HACE1: variants seen among roughly 807,000 people sequenced by gnomAD.
HACE1 encodes HECT domain and ankyrin repeat containing E3 ubiquitin protein ligase 1.
Under a neutral mutation model 118.4 loss-of-function variants are expected in HACE1, and 73 were observed. That is an observed-to-expected ratio of 0.62 (90% confidence interval 0.51 to 0.75). The LOEUF is 0.75. Ranked by LOEUF, HACE1 falls within the 30% of genes least tolerant of loss-of-function variation. The pLI, the probability that HACE1 is intolerant of heterozygous loss-of-function variation, is 0.00. For synonymous variants in HACE1, 368 were observed against 374.8 expected (o/e 0.98, Z 0.21); for missense variants, 749 against 1,102.2 (o/e 0.68, Z 4.54).
intron 1 of HACE1, among the ~76,000 whole-genome samples, chr6:104,854,599 G>T (rs1425694719): frequency 6.6e-6 from 1 of 151,358 alleles, no homozygotes; most frequent in Non-Finnish European, 1.5e-5. Flanking sequence ...TCTGGATAGT[G>T]ATTCAAAAAA....
At chr6:104,792,433 T>C (rs1783122893) in intron 10 of HACE1, among the ~76,000 whole-genome samples, 1 of 152,216 alleles carries the variant, frequency 6.6e-6, no homozygotes, top group African/African-American at 2.4e-5. Context: ...AGAAAAACTG[T>C]ACGAGTTAGG....
At chr6:104,821,485 T>C (rs757094836) in intron 6 of HACE1, among the ~76,000 whole-genome samples, 5 of 152,288 alleles carry the variant, frequency 3.3e-5, no homozygotes, top group East Asian at 1.9e-4. Context: ...TTTAACAAAA[T>C]ATACTATTTA....
At chr6:104,746,548 T>A (rs1366848053) in intron 20 of HACE1, among the ~76,000 whole-genome samples, 31 of 152,208 alleles carry the variant, frequency 2.0e-4, no homozygotes, top group Admixed American at 2.0e-3. Context: ...TCCTCAAGTA[T>A]GGCTACCATC....
chr6:104,837,288 G>A (rs976335797), intron 5 of HACE1, among the ~76,000 whole-genome samples: 1 of 152,200 alleles, frequency 6.6e-6, no homozygotes, highest in African/African-American at 2.4e-5. Flanking sequence ...GAGATTAGCA[G>A]AGACACACAG....
At chr6:104,740,156 G>A (rs1204096630) in intron 22 of HACE1, among the ~76,000 whole-genome samples, 8 of 145,690 alleles carry the variant, frequency 5.5e-5, no homozygotes, top group African/African-American at 1.1e-4. Flanking sequence ...TCTCTGGGAT[G>A]CATTCAAAGC....
rs773104513 is a variant in HACE1, at chr6:104,776,796, A to T, written c.1809T>A (p.Ile603=). 1.2e-6 allele frequency: 2 copies of T among 1,610,152 alleles called. No homozygotes were observed. Among genetic ancestry groups the T allele is most frequent in the South Asian group, 2.2e-5 (2 of 90,996 alleles). Residue 603 remains isoleucine, a synonymous_variant, in exon 17 of 24, where the codon ATT becomes ATA. Coordinates refer to ENST00000262903, the MANE Select transcript of HACE1 (RefSeq NM_020771.4). The part of the protein sequence containing the change: ...GQGVVREWFD[I]LSNEIVNPDY... ...CAGGATTGACTATCTCATTGGACAGAATATCAAACCACTCACGCACAACAC... is the reference window on the plus strand; with the variant it reads ...CAGGATTGACTATCTCATTGGACAGTATATCAAACCACTCACGCACAACAC...
chr6:104,835,939 ATGTCT>A (rs1774487061), intron 5 of HACE1, among the ~76,000 whole-genome samples: 2 of 152,230 alleles, frequency 1.3e-5, no homozygotes, highest in South Asian at 4.1e-4. Flanking sequence ...AGGAAAAATG[ATGTCT>A]TGTCTAGATT....
chr6:104,782,368 G>C (rs1427634125), intron 14 of HACE1: 2 of 152,322 alleles, frequency 1.3e-5, no homozygotes, highest in Non-Finnish European at 2.9e-5. Flanking sequence ...TGCACCTGTA[G>C]TCCCAGCTAC....
At chr6:104,742,581 T>C (rs936168670) in intron 22 of HACE1, among the ~76,000 whole-genome samples, 2 of 151,854 alleles carry the variant, frequency 1.3e-5, no homozygotes, top group African/African-American at 4.9e-5. Flanking sequence ...TCACTGGCCA[T>C]CAGAGAAATG....
At chr6:104,848,448 C>T (rs1327939357) in intron 4 of HACE1, among the ~76,000 whole-genome samples, 1 of 148,594 alleles carries the variant, frequency 6.7e-6, no homozygotes, top group African/African-American at 2.5e-5. Flanking sequence ...GAGTGAGACC[C>T]CATCTCAAAA....
At position 104,791,651 on chromosome 6, in the gene HACE1, G is replaced by A. The variant is rs747957746; in HGVS notation, c.927C>T (p.Leu309=). The stretch of plus-strand genomic sequence containing the variant: ...TCATTTGAGCATCATAATTGCTAGA[G>A]AGGCTGAAAATAAAAATTAAAATAT... ...ATTNGHKLLS[L]SSNYDAQMKS... is the part of the protein sequence containing the mutation. The change falls in exon 11 of 24, where the codon CTC becomes CTT. Residue 309 remains leucine (L), a synonymous_variant. Coordinates refer to ENST00000262903, the MANE Select transcript of HACE1 (RefSeq NM_020771.4). 3 of 1,599,702 alleles carry A rather than the reference G, an allele frequency of 1.9e-6. No homozygotes were observed. The Admixed American group carries it at 5.0e-5, about 27-fold the overall frequency.
intron 11 of HACE1, 113 bp downstream of exon 11, chr6:104,791,391 G>T: frequency 1.1e-6 from 1 of 919,610 alleles, no homozygotes; most frequent in Non-Finnish European, 1.8e-6. Context: ...AGTGATATGG[G>T]TATAAACCAA....
intron 19 of HACE1, among the ~76,000 whole-genome samples, chr6:104,768,313 T>C (rs1780224544): frequency 6.6e-6 from 1 of 151,868 alleles, no homozygotes; most frequent in South Asian, 2.1e-4. Context: ...ACTTTCTACC[T>C]ATAAAGTAAA....
At chr6:104,750,601 C>A in intron 19 of HACE1, 129 bp from the exon 20 acceptor site, 3 of 846,948 alleles carry the variant, frequency 3.5e-6, no homozygotes, top group Non-Finnish European at 3.7e-6. Context: ...TACATCTCAG[C>A]AAATCAGCAA....
chr6:104,741,426 C>A (rs1467404458), intron 22 of HACE1, among the ~76,000 whole-genome samples: 4 of 151,214 alleles, frequency 2.6e-5, no homozygotes, highest in South Asian at 2.1e-4. Flanking sequence ...GTATCAGCCC[C>A]AAATCTCCTT....
intron 4 of HACE1, among the ~76,000 whole-genome samples, chr6:104,846,601 G>C (rs752364879): frequency 5.3e-5 from 8 of 152,180 alleles, no homozygotes; most frequent in Non-Finnish European, 1.0e-4. Flanking sequence ...AAATGCTAAA[G>C]CAAGCCAAGA....
intron 7 of HACE1, among the ~76,000 whole-genome samples, chr6:104,806,878 A>T (rs555703162): frequency 5.9e-5 from 9 of 152,278 alleles, no homozygotes; most frequent in African/African-American, 2.2e-4. Flanking sequence ...GGACTCTTTC[A>T]TCCTTATAAA....
intron 6 of HACE1, chr6:104,830,995 T>A (rs937457085): frequency 6.6e-6 from 1 of 152,098 alleles, no homozygotes; most frequent in African/African-American, 2.4e-5. Context: ...CTCCACCTAA[T>A]CTTGACCTCT....
chr6:104,747,792 C>A lies in HACE1; in HGVS notation c.2343+2549G>T, dbSNP rs75443186. On this transcript the variant is annotated intron_variant, in intron 20 of 23. Coordinates refer to ENST00000262903, the MANE Select transcript of HACE1 (RefSeq NM_020771.4). Reference sequence around the variant, plus strand: ...AAGTTAATACATATAAAATACCTGGCAAATACTAAATGCTTAATAATTATT... The same window carrying A: ...AAGTTAATACATATAAAATACCTGGAAAATACTAAATGCTTAATAATTATT... Among the ~76,000 whole-genome samples the A allele has an allele frequency of 3.9e-3, 592 of 152,240 alleles. 5 individuals are homozygous for A. Among genetic ancestry groups the A allele is most frequent in the African/African-American group, 0.014 (572 of 41,548 alleles).
Sources: allele counts gnomAD v4.1 joint callset (sites outside exome capture counted in the v4.1 genomes callset), GRCh38; gene constraint gnomAD v4.1.1; transcripts MANE v1.5; gene names NCBI Gene and HGNC (gene_info 2026-07-23, HGNC 2026-07-21).